Variants in CBR4 observed in about 807,000 individuals in gnomAD.
CBR4 encodes the protein 3-oxoacyl-[acyl-carrier-protein] reductase.
CBR4 carries 22 observed loss-of-function variants against 21.0 expected under a neutral mutation model. The observed-to-expected ratio is 1.05, with a 90% confidence interval of 0.75 to 1.50. CBR4 has a LOEUF of 1.50. Ranked by LOEUF, CBR4 falls within the 40% of genes most tolerant of loss-of-function variation. The pLI is 0.00. For missense variants in CBR4, 302 were observed against 286.3 expected, an observed-to-expected ratio of 1.05 and a Z score of -0.40; for synonymous variants, 100 against 104.4, an observed-to-expected ratio of 0.96 and a Z score of 0.26.
intron 2 of CBR4, among the ~76,000 whole-genome samples, chr4:168,951,107 G>A (rs947092537): frequency 3.3e-5 from 5 of 152,030 alleles, no homozygotes; most frequent in African/African-American, 1.2e-4. Context: ...TCACCAGGCT[G>A]GAGTGCAGTG....
chr4:168,916,193 G>A (rs1346854354), intron 2 of CBR4, among the ~76,000 whole-genome samples: 1 of 152,136 alleles, frequency 6.6e-6, no homozygotes, highest in South Asian at 2.1e-4. Flanking sequence ...CGGGCAGATC[G>A]CTTGATCCCA....
chr4:168,966,356 C>CAAAAAAA (rs1215042926), intron 2 of CBR4, among the ~76,000 whole-genome samples: 5,334 of 73,534 alleles, frequency 0.073, no homozygotes, highest in East Asian at 0.1. Context: ...ACTAAAAATA[C>CAAAAAAA]AAAAAAAAAA....
intron 3 of CBR4, among the ~76,000 whole-genome samples, chr4:169,004,358 G>C (rs1730718714): frequency 6.6e-6 from 1 of 152,148 alleles, no homozygotes. Context: ...AATTGGATAA[G>C]ACAAAATTTG....
At chr4:169,008,925 T>C (rs1253723394) in intron 1 of CBR4, 8 of 451,186 alleles carry the variant, frequency 1.8e-5, no homozygotes, top group Admixed American at 9.7e-5. Context: ...CGATCAATAA[T>C]GTTAACTTAA....
rs1560929744 is a variant in CBR4 at position 168,921,740 on chromosome 4, T to C, written n.170-26975A>G. On this transcript the variant is annotated intron_variant and non_coding_transcript_variant, in intron 2 of 3. Transcript: ENST00000509108. ...CATTCAGCCTGGAGCTTGTGGTTGC[T>C]GGTAGGCTCATCTGTGAATCCTTGC... 1.2e-6 allele frequency: 2 copies of C among 1,610,242 alleles called. No homozygotes were observed. Among genetic ancestry groups the C allele is most frequent in the Non-Finnish European group, 1.7e-6 (2 of 1,178,564 alleles).
chr4:168,979,801 C>G lies in CBR4; in HGVS notation n.169+22270G>C, dbSNP rs569639308. Among the ~76,000 whole-genome samples the G allele has an allele frequency of 1.4e-4, 22 of 152,280 alleles. No homozygotes were observed. In the East Asian group the frequency reaches 4.1e-3, roughly 28 times the overall value. ...CTCTGCATTTCCCAGGGGCGGAGCT[C>G]CCACAGGCAACTGACAGCTCCTCTG... On this transcript the variant is annotated intron_variant and non_coding_transcript_variant, in intron 2 of 3. Transcript: ENST00000509108.
At chr4:168,976,538 G>A (rs1014889635) in intron 2 of CBR4, among the ~76,000 whole-genome samples, 1 of 152,220 alleles carries the variant, frequency 6.6e-6, no homozygotes, top group African/African-American at 2.4e-5. Context: ...GCAATTTTTT[G>A]TAGGCAGGGG....
intron 4 of CBR4, among the ~76,000 whole-genome samples, chr4:169,000,920 G>A (rs1435196812): frequency 6.6e-6 from 1 of 151,944 alleles, no homozygotes; most frequent in South Asian, 2.1e-4. Flanking sequence ...AGTAGTAAAA[G>A]GACAAAACTA....
At chr4:168,903,572 T>C (rs558242075) in intron 2 of CBR4, among the ~76,000 whole-genome samples, 10 of 152,270 alleles carry the variant, frequency 6.6e-5, no homozygotes, top group Non-Finnish European at 1.2e-4. Flanking sequence ...AAAACTCAAA[T>C]AGAATTTAAA....
chr4:169,006,766 A>G lies in CBR4; in HGVS notation c.389T>C (p.Ile130Thr). Residue 130 changes from isoleucine (I) to threonine (T), a missense_variant, in exon 3 of 5, where the codon ATT becomes ACT. Coordinates refer to ENST00000306193, the MANE Select transcript of CBR4 (RefSeq NM_032783.5). ...AGGTGAAGACTCACCTACATTAACA[A>G]TAGACCCTCCCTGTTGTTGAATCAT... ...RTMIQQQGGS[I>T]VNVGSIVGLK... The G allele has an allele frequency of 1.2e-6, 2 of 1,613,940 alleles. No homozygotes were observed. The highest frequency in any genetic ancestry group is 1.7e-6 in the Non-Finnish European group (2 of 1,179,810).
intron 2 of CBR4, among the ~76,000 whole-genome samples, chr4:168,939,753 G>A (rs748917175): frequency 1.3e-4 from 20 of 152,072 alleles, no homozygotes; most frequent in Non-Finnish European, 2.2e-4. Flanking sequence ...ATCTCTTCAA[G>A]GAGAACTACA....
intron 2 of CBR4, chr4:168,916,102 TG>T: frequency 1.4e-6 from 2 of 1,396,606 alleles, no homozygotes; most frequent in Non-Finnish European, 2.0e-6. Flanking sequence ...TAGTTCCTTT[TG>T]GGGAAATTAC....
intron 2 of CBR4, among the ~76,000 whole-genome samples, chr4:168,941,720 C>T (rs2126679842): frequency 6.6e-6 from 1 of 152,320 alleles, no homozygotes; most frequent in Non-Finnish European, 1.5e-5. Flanking sequence ...ACAGTCGCCC[C>T]AGCATCTGTT....
chr4:168,924,919 C>G (rs1203906703), intron 2 of CBR4: 1 of 1,613,724 alleles, frequency 6.2e-7, no homozygotes, highest in Non-Finnish European at 8.5e-7. Context: ...AATTTAGAAC[C>G]CTAATGACTT....
chr4:168,922,094 TATATATATACACAC>T (rs1397445293), intron 2 of CBR4, among the ~76,000 whole-genome samples: 1 of 106,826 alleles, frequency 9.4e-6, no homozygotes, highest in African/African-American at 3.2e-5. Context: ...TTTATATATA[TATATATATACACAC>T]ACACACACAC....
At chr4:168,996,855 ACC>A (rs1765230193) in intron 4 of CBR4, among the ~76,000 whole-genome samples, 1 of 152,194 alleles carries the variant, frequency 6.6e-6, no homozygotes, top group African/African-American at 2.4e-5. Context: ...AAGGTTATGA[ACC>A]ACGTGATCTT....
intron 2 of CBR4, among the ~76,000 whole-genome samples, chr4:168,895,491 C>T (rs1317073369): frequency 3.3e-5 from 5 of 152,184 alleles, no homozygotes; most frequent in Admixed American, 1.3e-4. Context: ...TTGATTAACA[C>T]GTATTCTGTA....
chr4:168,916,530 T>A (rs1216132686), intron 2 of CBR4, among the ~76,000 whole-genome samples: 1 of 152,146 alleles, frequency 6.6e-6, no homozygotes, highest in Non-Finnish European at 1.5e-5. Context: ...GAACCCTACA[T>A]GACATTACTC....
Position 169,010,162 on chromosome 4 carries a change from A to C in CBR4, c.-73T>G. 1 of 1,244,708 alleles carries C rather than the reference A, an allele frequency of 8.0e-7. No individual in the cohort carries two copies. Among genetic ancestry groups the C allele is most frequent in the South Asian group, 2.1e-5 (1 of 46,706 alleles). The allele number at this position is 1,244,708 out of a possible 1,614,324, so 77.1% of individuals were successfully genotyped here. A position where few individuals can be genotyped will look rare whatever the true frequency, so the allele number is the denominator to read the frequency against. On this transcript the variant is annotated 5_prime_UTR_variant, in exon 1 of 5. Transcript: ENST00000306193. ...TCTCCAGGTTCCCTCAGGCTTTTAA[A>C]CAACCGCGGTTCCAAAAAAAAAAAA...
Sources: gnomAD v4.1 joint callset for allele counts (sites outside exome capture counted in the v4.1 genomes callset) on GRCh38, gnomAD v4.1.1 for gene constraint, MANE v1.5 for transcripts, NCBI Gene and HGNC (gene_info 2026-07-23, HGNC 2026-07-21) for gene names.